UACA: variants seen among roughly 807,000 people sequenced by gnomAD.
UACA encodes nuclear membrane binding protein.
A neutral mutation model predicts 160.5 loss-of-function variants in UACA; 112 were observed. That is an observed-to-expected ratio of 0.70 (90% CI 0.60 to 0.82). The LOEUF is 0.82. UACA is among the 40% of genes least tolerant of loss of function. The probability of loss-of-function intolerance (pLI) is 0.00; values close to 1 mark genes in which losing one functional copy is unlikely to be tolerated. For missense variants in UACA, 1,574 were observed against 1,614.6 expected (o/e 0.97, Z 0.43); for synonymous variants, 557 against 568.4 (o/e 0.98, Z 0.29).
At position 70,699,634 on chromosome 15, in the gene UACA, A is replaced by T. The variant is rs762535864; in HGVS notation, c.105T>A (p.Asp35Glu). The change falls in exon 2 of 19, where the codon GAT becomes GAA. Residue 35 changes from aspartate to glutamate, a missense_variant. Transcript: ENST00000322954. ...TTTCTGCTGCTTTCATCAATCGGTC[A>T]TCATATTTATTCCAATCTGCTGCAT... ...SAHAADWNKY[D>E]DRLMKAAERG... 1.2e-6 allele frequency: 2 copies of T among 1,611,856 alleles called. No homozygotes were observed. Among genetic ancestry groups the T allele is most frequent in the Non-Finnish European group, 1.7e-6 (2 of 1,179,452 alleles).
chr15:70,703,286 A>G, intron 1 of UACA: 1 of 1,285,660 alleles, frequency 7.8e-7, no homozygotes, highest in South Asian at 1.2e-5. Context: ...ATGGGAATGC[A>G]AAACATTCCA....
chr15:70,740,806 C>A (rs1276135189), intron 1 of UACA, among the ~76,000 whole-genome samples: 1 of 152,020 alleles, frequency 6.6e-6, no homozygotes, highest in Non-Finnish European at 1.5e-5. Context: ...CTTTAGGAGG[C>A]CCAGGCGGGC....
chr15:70,756,003 T>A (rs149490622), intron 1 of UACA, among the ~76,000 whole-genome samples: 3 of 152,196 alleles, frequency 2.0e-5, no homozygotes, highest in Non-Finnish European at 4.4e-5. Flanking sequence ...TTATACCGAC[T>A]TCTATAATAA....
intron 9 of UACA, among the ~76,000 whole-genome samples, chr15:70,680,908 T>C (rs1897479180): frequency 6.6e-6 from 1 of 152,196 alleles, no homozygotes; most frequent in South Asian, 2.1e-4. Context: ...ATAGTCCTTA[T>C]CATACAAGGT....
intron 1 of UACA, among the ~76,000 whole-genome samples, chr15:70,713,231 G>T (rs752785305): frequency 1.3e-5 from 2 of 152,140 alleles, no homozygotes; most frequent in Non-Finnish European, 2.9e-5. Context: ...GGCGCCTGTA[G>T]TCCCAGCTAC....
intron 1 of UACA, among the ~76,000 whole-genome samples, chr15:70,705,865 T>C (rs1423913069): frequency 6.6e-6 from 1 of 152,186 alleles, no homozygotes; most frequent in East Asian, 1.9e-4. Flanking sequence ...TGACTGGATA[T>C]TGGATGGCAT....
chr15:70,698,765 G>A (rs923486123), intron 2 of UACA, among the ~76,000 whole-genome samples: 3 of 152,040 alleles, frequency 2.0e-5, no homozygotes, highest in African/African-American at 7.2e-5. Context: ...ACTTTGAAAG[G>A]GTTCCCAGAT....
chr15:70,701,388 T>C (rs961938456), intron 1 of UACA, among the ~76,000 whole-genome samples: 7 of 152,326 alleles, frequency 4.6e-5, no homozygotes, highest in Admixed American at 4.6e-4. Context: ...TGTTTTCAAA[T>C]GCCTAAAGGA....
Position 70,667,431 on chromosome 15 carries a change from C to T in UACA, c.3253G>A (p.Val1085Met). ...LSQKYTEVKN[V>M]KEKLVEENAK... The stretch of plus-strand genomic sequence containing the variant: ...TTTTCTTCTACTAGCTTCTCTTTCA[C>T]ATTCTTTACTTCCGTGTATTTCTGT... The change falls in exon 16 of 19, where the codon GTG (valine) becomes ATG (methionine). Residue 1085 changes from valine (V) to methionine (M), a missense_variant. Physicochemically the swap from Val to Met is conservative, Grantham distance 21. Coordinates refer to ENST00000322954, the MANE Select transcript of UACA (RefSeq NM_018003.4). 1 of 1,610,498 alleles carries T rather than the reference C, an allele frequency of 6.2e-7. No individual in the cohort carries two copies. The highest frequency in any genetic ancestry group is 8.5e-7 in the Non-Finnish European group (1 of 1,179,702).
rs532208234 is a variant in UACA, at chr15:70,657,979, A to AC, written c.4180-853dup. Among the ~76,000 whole-genome samples the AC allele has an allele frequency of 9.2e-5, 14 of 151,802 alleles. No individual in the cohort carries two copies. The South Asian group carries it at 2.9e-3, about 32-fold the overall frequency. ...GTGGCATGTGCCTGTAGTCCCAGCT[A>AC]CTTGGGAGGTTGAGGGAGGATGATC... is the stretch of plus-strand genomic sequence containing the variant. On this transcript the variant is annotated intron_variant, in intron 18 of 18. Transcript: ENST00000322954.
In UACA at chr15:70,763,389, G is replaced by T. The variant is rs1375183158; in HGVS notation, c.19C>A (p.Arg7Ser). The T allele has an allele frequency of 5.3e-6, 7 of 1,326,970 alleles. No homozygotes were observed. Among genetic ancestry groups the T allele is most frequent in the African/African-American group, 3.1e-5 (2 of 64,808 alleles). 82.2% of individuals were successfully genotyped at this position (1,326,970 alleles called of 1,614,324 possible). A position where few individuals can be genotyped will look rare whatever the true frequency, so the allele number is the denominator to read the frequency against. The change falls in exon 1 of 19, where the codon CGC becomes AGC. Residue 7 changes from arginine to serine, a missense_variant. Arg to Ser is a moderately radical substitution (Grantham distance 110). Coordinates refer to ENST00000322954, the MANE Select transcript of UACA (RefSeq NM_018003.4). The stretch of plus-strand genomic sequence containing the variant: ...CCGGGCACGTCCTGCCTCCTCAGGC[G>T]GGACTTGAGGCTCTTCATGGCTAAC... Reference protein sequence around the residue: MKSLKSRLRRQDVPGPA... With the variant: MKSLKSSLRRQDVPGPA...
rs147507082 is a variant in UACA at position 70,757,730 on chromosome 15, C to T, written c.78+5600G>A. On this transcript the variant is annotated intron_variant, in intron 1 of 18. Transcript: ENST00000322954. ...TTATTCTTTTGGTCATCATTACAAA[C>T]TCATGGATTTAAGGATTTCAGTGCA... 3.4e-3 allele frequency among the ~76,000 whole-genome samples: 517 copies of T among 151,910 alleles called. 1 individual carries two copies. Among genetic ancestry groups the T allele is most frequent in the Non-Finnish European group, 5.1e-3 (347 of 67,962 alleles).
At chr15:70,663,389 G>C (rs546944149) in intron 17 of UACA, among the ~76,000 whole-genome samples, 1 of 152,262 alleles carries the variant, frequency 6.6e-6, no homozygotes, top group South Asian at 2.1e-4. Flanking sequence ...GGAGAAATAG[G>C]AACACTTTTA....
intron 12 of UACA, 151 bp downstream of exon 12, chr15:70,676,956 CT>C (rs2140922097): frequency 3.4e-6 from 2 of 591,386 alleles, no homozygotes; most frequent in East Asian, 2.9e-5. Flanking sequence ...TCAAAACATC[CT>C]TTTTTAGTCA....
upstream of UACA, chr15:70,768,439 A>G (rs2031067479): frequency 6.6e-6 from 1 of 152,228 alleles, no homozygotes; most frequent in African/African-American, 2.4e-5. Context: ...AATTGACCTT[A>G]TACCTAAAAG....
At chr15:70,742,530 C>G (rs1647728219) in intron 1 of UACA, among the ~76,000 whole-genome samples, 1 of 151,994 alleles carries the variant, frequency 6.6e-6, no homozygotes, top group South Asian at 2.1e-4. Flanking sequence ...TAATAAATTC[C>G]CAAATAAAAT....
At chr15:70,696,941 C>T (rs1167021130) in intron 2 of UACA, among the ~76,000 whole-genome samples, 1 of 152,076 alleles carries the variant, frequency 6.6e-6, no homozygotes, top group Non-Finnish European at 1.5e-5. Flanking sequence ...ATTAGTAATG[C>T]TGATGTGCTA....
At chr15:70,749,598 C>G (rs921829202) in intron 1 of UACA, among the ~76,000 whole-genome samples, 2 of 148,236 alleles carry the variant, frequency 1.3e-5, no homozygotes, top group South Asian at 4.3e-4. Flanking sequence ...ACTCAGGAGG[C>G]TGAGGCAGGA....
chr15:70,757,025 GTAGT>G (rs2030471798), intron 1 of UACA, among the ~76,000 whole-genome samples: 2 of 152,138 alleles, frequency 1.3e-5, no homozygotes, highest in South Asian at 4.1e-4. Flanking sequence ...CTTTTTACAA[GTAGT>G]TAATCAGGAT....
Sources: allele counts gnomAD v4.1 joint callset (sites outside exome capture counted in the v4.1 genomes callset), GRCh38; gene constraint gnomAD v4.1.1; transcripts MANE v1.5; gene names NCBI Gene and HGNC (gene_info 2026-07-23, HGNC 2026-07-21).